RALYL: variants seen among roughly 807,000 people sequenced by gnomAD.
RALYL encodes the protein RALY RNA binding protein like.
In RALYL, 29 loss-of-function variants were observed where a neutral mutation model predicts 35.1. That is an observed-to-expected ratio of 0.83 (90% CI 0.61 to 1.13). RALYL has a LOEUF of 1.13. Ranked by LOEUF, RALYL falls within the 50% of genes most tolerant of loss-of-function variation. The pLI is 0.00. For missense variants in RALYL, 359 were observed against 360.4 expected (o/e 1.00, Z 0.03); for synonymous variants, 120 against 127.6 (o/e 0.94, Z 0.40).
intron 7 of RALYL, among the ~76,000 whole-genome samples, 155 bp from the exon 8 acceptor site, chr8:84,887,449 G>A (rs889539482): frequency 2.6e-5 from 4 of 152,140 alleles, no homozygotes; most frequent in Non-Finnish European, 4.4e-5. Flanking sequence ...TTACATGATT[G>A]AAAAAATTCA....
At chr8:84,837,393 G>A (rs2134493278) in intron 4 of RALYL, among the ~76,000 whole-genome samples, 1 of 152,236 alleles carries the variant, frequency 6.6e-6, no homozygotes, top group South Asian at 2.1e-4. Context: ...TGTTTGCTAA[G>A]AACACATTAA....
intron 6 of RALYL, among the ~76,000 whole-genome samples, chr8:84,863,509 T>C (rs1401121687): frequency 6.6e-6 from 1 of 152,162 alleles, no homozygotes; most frequent in African/African-American, 2.4e-5. Flanking sequence ...TCCCAACCAT[T>C]TAAGACAAGT....
intron 1 of RALYL, among the ~76,000 whole-genome samples, chr8:84,324,166 T>G (rs1845382314): frequency 6.6e-6 from 1 of 152,248 alleles, no homozygotes; most frequent in South Asian, 2.1e-4. Flanking sequence ...CACTAATTGG[T>G]TTCAGAACGT....
chr8:84,898,963 G>T (rs1439859903), intron 8 of RALYL, among the ~76,000 whole-genome samples: 1 of 152,062 alleles, frequency 6.6e-6, no homozygotes, highest in African/African-American at 2.4e-5. Flanking sequence ...TTTGAGCCAG[G>T]GTGTTCTTTT....
intron 4 of RALYL, among the ~76,000 whole-genome samples, chr8:84,817,897 G>T (rs186719875): frequency 2.0e-5 from 3 of 152,256 alleles, no homozygotes; most frequent in Admixed American, 2.0e-4. Flanking sequence ...ATAATACTTA[G>T]TGTCTGACAC....
intron 1 of RALYL, among the ~76,000 whole-genome samples, chr8:84,261,546 G>A (rs1014855699): frequency 4.6e-5 from 7 of 152,202 alleles, no homozygotes; most frequent in East Asian, 1.9e-4. Context: ...CTGCAAAACC[G>A]TGAGTCAATT....
chr8:84,600,227 TC>T (rs1249396335), intron 2 of RALYL, among the ~76,000 whole-genome samples: 1 of 152,128 alleles, frequency 6.6e-6, no homozygotes, highest in Non-Finnish European at 1.5e-5. Flanking sequence ...TTACATTCCA[TC>T]CCCTAATACT....
chr8:84,617,855 T>G (rs1820191555), intron 2 of RALYL, among the ~76,000 whole-genome samples: 1 of 151,796 alleles, frequency 6.6e-6, no homozygotes, highest in African/African-American at 2.4e-5. Flanking sequence ...GATAATCATG[T>G]GGTTTTTGTC....
In RALYL at chr8:84,887,690, C is replaced by A; in HGVS notation, c.772C>A (p.Pro258Thr). ...SEIADHSTEE[P>T]AEGGPDADGE... ...GATTGCAGATCACTCTACAGAGGAG[C>A]CTGCTGAAGGAGGGCCAGATGCCGA... Residue 258 changes from proline (P) to threonine (T), a missense_variant, in exon 8 of 9, where the codon CCT becomes ACT. Pro to Thr is a conservative substitution (Grantham distance 38). Transcript: ENST00000521268. 6.2e-7 allele frequency: 1 copy of A among 1,613,644 alleles called. No individual in the cohort carries two copies.
intron 1 of RALYL, among the ~76,000 whole-genome samples, chr8:84,374,639 A>G (rs774102794): frequency 2.0e-5 from 3 of 151,926 alleles, no homozygotes; most frequent in South Asian, 4.1e-4. Flanking sequence ...GTTCTCACTC[A>G]TAAGTGGGAC....
At chr8:84,505,797 A>T (rs1244402523) in intron 1 of RALYL, among the ~76,000 whole-genome samples, 1 of 152,186 alleles carries the variant, frequency 6.6e-6, no homozygotes, top group Non-Finnish European at 1.5e-5. Flanking sequence ...ATAGCAAGCT[A>T]GACGAGCAAG....
At chr8:84,794,312 C>G (rs1821432513) in intron 3 of RALYL, among the ~76,000 whole-genome samples, 1 of 152,170 alleles carries the variant, frequency 6.6e-6, no homozygotes, top group African/African-American at 2.4e-5. Flanking sequence ...CTGCAAAGAG[C>G]AGGACTGAGG....
chr8:84,276,845 A>T (rs577707467), intron 1 of RALYL, among the ~76,000 whole-genome samples: 1 of 152,370 alleles, frequency 6.6e-6, no homozygotes, highest in Non-Finnish European at 1.5e-5. Context: ...AATCTAGAAA[A>T]GTTTAGACTT....
intron 2 of RALYL, among the ~76,000 whole-genome samples, chr8:84,698,576 A>C (rs1839593679): frequency 6.6e-6 from 1 of 152,120 alleles, no homozygotes; most frequent in South Asian, 2.1e-4. Flanking sequence ...TATATAAAAT[A>C]AAGTAGAAAT....
chr8:84,705,914 G>C lies in RALYL; in HGVS notation c.257-68665G>C, dbSNP rs548667676. 30 of 1,490,338 alleles carry C rather than the reference G, an allele frequency of 2.0e-5. No homozygotes were observed. The Admixed American group carries it at 2.5e-4, about 12-fold the overall frequency. 92.3% of individuals were successfully genotyped at this position (1,490,338 alleles called of 1,614,324 possible). ...CCTGGCTTTCACTGTGTGATTGCTG[G>C]TTACCTTCTGTCAGTGAGCAACAGT... On this transcript the variant is annotated intron_variant, in intron 2 of 8. Coordinates refer to ENST00000521268, the MANE Select transcript of RALYL (RefSeq NM_173848.7).
chr8:84,643,579 C>A (rs552368993), intron 2 of RALYL, among the ~76,000 whole-genome samples: 1 of 152,164 alleles, frequency 6.6e-6, no homozygotes, highest in South Asian at 2.1e-4. Flanking sequence ...CCCCATCATA[C>A]AGAAATTAGA....
In RALYL at chr8:84,263,475, T is replaced by G. The variant is rs200150998; in HGVS notation, c.-24+79051T>G. ...AAGTATAATGTATAAAAAATCTATATAGTAAAAATGCAAATTCCCTCATTC... is the reference window on the plus strand; with the variant it reads ...AAGTATAATGTATAAAAAATCTATAGAGTAAAAATGCAAATTCCCTCATTC... On this transcript the variant is annotated intron_variant, in intron 1 of 8. Transcript: ENST00000521268. Among the ~76,000 whole-genome samples the G allele has an allele frequency of 2.0e-5, 3 of 152,226 alleles. No homozygotes were observed. The East Asian group carries it at 5.8e-4, about 29-fold the overall frequency.
chr8:84,490,658 C>A (rs932474870), intron 1 of RALYL, among the ~76,000 whole-genome samples: 3 of 151,216 alleles, frequency 2.0e-5, no homozygotes, highest in Admixed American at 6.6e-5. Flanking sequence ...GTGGGCATTT[C>A]CAAGAATATA....
At chr8:84,846,977 T>A (rs1165460695) in intron 4 of RALYL, among the ~76,000 whole-genome samples, 1 of 152,212 alleles carries the variant, frequency 6.6e-6, no homozygotes, top group African/African-American at 2.4e-5. Flanking sequence ...TGGCTATTTT[T>A]TTCTTCTGCT....
Sources: allele counts gnomAD v4.1 joint callset (sites outside exome capture counted in the v4.1 genomes callset), GRCh38; gene constraint gnomAD v4.1.1; transcripts MANE v1.5; gene names NCBI Gene and HGNC (gene_info 2026-07-23, HGNC 2026-07-21).